Variants in XIRP2 observed in about 807,000 individuals in gnomAD.
XIRP2 encodes xin actin binding repeat containing 2.
A neutral mutation model predicts 277.0 loss-of-function variants in XIRP2; 236 were observed. The observed-to-expected ratio is 0.85, with a 90% CI of 0.77 to 0.95. XIRP2 has a LOEUF of 0.95. XIRP2 is among the 40% of genes least tolerant of loss of function. XIRP2 has a pLI of 0.00. For missense variants in XIRP2, 4,640 were observed against 4,157.5 expected (o/e 1.12, Z -3.19); for synonymous variants, 1,490 against 1,416.5 (o/e 1.05, Z -1.17).
rs573761526 is a variant in XIRP2 at position 167,217,284 on chromosome 2, A to T, written c.724-882A>T. Among the ~76,000 whole-genome samples, 100 of 73,438 alleles carry T rather than the reference A, an allele frequency of 1.4e-3. No individual in the cohort carries two copies. The South Asian group carries it at 0.038, about 28-fold the overall frequency. 48.2% of individuals were successfully genotyped at this position (73,438 alleles called of 152,430 possible). A position where few individuals can be genotyped will look rare whatever the true frequency, so the allele number is the denominator to read the frequency against. On this transcript the variant is annotated intron_variant, in intron 4 of 10. Transcript: ENST00000409195. ...TGTACCCTAAAACTTAAAGTATAAT[A>T]AAAAAAAAAAAGAAAAAAAAATTAG...
At chr2:167,161,371 A>T (rs1456006256) in intron 3 of XIRP2, among the ~76,000 whole-genome samples, 1 of 152,100 alleles carries the variant, frequency 6.6e-6, no homozygotes, top group Non-Finnish European at 1.5e-5. Flanking sequence ...GAGGTTCCGC[A>T]TGAGAGCACT....
chr2:166,955,581 A>G (rs916106274), intron 2 of XIRP2, among the ~76,000 whole-genome samples: 2 of 151,886 alleles, frequency 1.3e-5, no homozygotes, highest in Non-Finnish European at 2.9e-5. Context: ...TTTATAAAAT[A>G]TATCTCACTA....
chr2:166,981,036 TAC>T, intron 2 of XIRP2, among the ~76,000 whole-genome samples: 1 of 152,194 alleles, frequency 6.6e-6, no homozygotes, highest in Non-Finnish European at 1.5e-5. Flanking sequence ...TTAGTATGTT[TAC>T]TGCCCTCCAA....
In XIRP2 at chr2:167,258,096, G is replaced by A. The variant is rs1695714118; in HGVS notation, c.*279G>A. 6.2e-7 allele frequency: 1 copy of A among 1,613,106 alleles called. No individual in the cohort carries two copies. The highest frequency in any genetic ancestry group is 8.5e-7 in the Non-Finnish European group (1 of 1,179,534). On this transcript the variant is annotated 3_prime_UTR_variant, in exon 11 of 11. Coordinates refer to ENST00000409195, the MANE Select transcript of XIRP2 (RefSeq NM_152381.6). ...GATCGTAATGAACATTTAGATGCTGGTAACAGTGAAGGGCAAAGGAATGAT... is the reference window on the plus strand; with the variant it reads ...GATCGTAATGAACATTTAGATGCTGATAACAGTGAAGGGCAAAGGAATGAT...
intron 2 of XIRP2, among the ~76,000 whole-genome samples, chr2:167,012,317 T>C (rs1243960649): frequency 2.6e-5 from 4 of 151,896 alleles, no homozygotes; most frequent in African/African-American, 7.2e-5. Context: ...CTTCGTTATG[T>C]ACCCTTTTAA....
chr2:166,934,233 C>G lies in XIRP2; in HGVS notation c.408+30343C>G, dbSNP rs571867512. On this transcript the variant is annotated intron_variant, in intron 2 of 10. Transcript: ENST00000409195. The stretch of plus-strand genomic sequence containing the variant: ...AAAAAAACAAAACTAGGGTCTCTCT[C>G]TCTTGCTTGCTTTGAAGAAGCAAGC... Among the ~76,000 whole-genome samples the G allele has an allele frequency of 1.0e-3, 152 of 148,788 alleles. 1 individual carries two copies. The highest frequency in any genetic ancestry group is 3.2e-3 in the African/African-American group (128 of 40,098).
At chr2:166,938,352 A>G (rs549684478) in intron 2 of XIRP2, among the ~76,000 whole-genome samples, 1 of 152,234 alleles carries the variant, frequency 6.6e-6, no homozygotes, top group South Asian at 2.1e-4. Flanking sequence ...TTCGTTATGT[A>G]CCCAGTAGTC....
chr2:167,069,592 G>T (rs1689387091), intron 2 of XIRP2, among the ~76,000 whole-genome samples: 1 of 152,074 alleles, frequency 6.6e-6, no homozygotes, highest in South Asian at 2.1e-4. Flanking sequence ...TGGAAAAATT[G>T]AGAAGGAAAC....
At chr2:167,160,439 T>C (rs1692330232) in intron 3 of XIRP2, among the ~76,000 whole-genome samples, 1 of 152,302 alleles carries the variant, frequency 6.6e-6, no homozygotes, top group South Asian at 2.1e-4. Context: ...TACCCGAGAC[T>C]GGGCAATTTA....
At position 167,246,374 on chromosome 2, in the gene XIRP2, A is replaced by C. The variant is rs1695263732; in HGVS notation, c.4982A>C (p.Gln1661Pro). 6.2e-7 allele frequency: 1 copy of C among 1,613,196 alleles called. No homozygotes were observed. The highest frequency in any genetic ancestry group is 8.5e-7 in the Non-Finnish European group (1 of 1,179,690). Residue 1661 changes from glutamine to proline, a missense_variant, in exon 9 of 11, where the codon CAA (glutamine) becomes CCA (proline). Physicochemically the swap from Gln to Pro is moderately conservative, Grantham distance 76. Transcript: ENST00000409195. ...KEEIVKGDVQ[Q>P]AIKNLFSEER... is the part of the protein sequence containing the mutation. Reference sequence around the variant, plus strand: ...GAGATAGTGAAAGGTGATGTACAACAAGCAATAAAAAACCTGTTCTCTGAG... The same window carrying C: ...GAGATAGTGAAAGGTGATGTACAACCAGCAATAAAAAACCTGTTCTCTGAG...
At chr2:166,900,738 C>A (rs532159823) in intron 1 of XIRP2, among the ~76,000 whole-genome samples, 1 of 152,220 alleles carries the variant, frequency 6.6e-6, no homozygotes, top group South Asian at 2.1e-4. Context: ...TATTGCTCTC[C>A]TTGTAGCCTT....
intron 6 of XIRP2, among the ~76,000 whole-genome samples, chr2:167,240,404 G>A (rs1695028429): frequency 6.6e-6 from 1 of 152,094 alleles, no homozygotes; most frequent in African/African-American, 2.4e-5. Context: ...GACAGTGCAA[G>A]ACTCCTTCTC....
At chr2:167,072,135 G>A (rs1689452899) in intron 2 of XIRP2, among the ~76,000 whole-genome samples, 2 of 152,112 alleles carry the variant, frequency 1.3e-5, no homozygotes, top group African/African-American at 4.8e-5. Context: ...TTATATGTAT[G>A]TTTATGTAAT....
At chr2:167,000,505 G>GT (rs1161786649) in intron 2 of XIRP2, among the ~76,000 whole-genome samples, 7 of 143,112 alleles carry the variant, frequency 4.9e-5, no homozygotes, top group East Asian at 2.5e-4. Context: ...TTGTTTTGGG[G>GT]TTTTTTTGTT....
intron 2 of XIRP2, among the ~76,000 whole-genome samples, chr2:166,997,301 G>C (rs1205737317): frequency 6.6e-6 from 1 of 151,296 alleles, no homozygotes; most frequent in South Asian, 2.1e-4. Flanking sequence ...TTTATTTCTT[G>C]TTTACACAAA....
At chr2:167,012,998 G>GACATTAGGACATAAATTAAATTAAA (rs1687724340) in intron 2 of XIRP2, among the ~76,000 whole-genome samples, 1 of 150,890 alleles carries the variant, frequency 6.6e-6, no homozygotes, top group Non-Finnish European at 1.5e-5. Context: ...TGGTAAAATT[G>GACATTAGGACATAAATTAAATTAAA]ACATTAGGAC....
chr2:167,075,941 G>A (rs965169348), intron 2 of XIRP2, among the ~76,000 whole-genome samples: 1 of 151,988 alleles, frequency 6.6e-6, no homozygotes, highest in African/African-American at 2.4e-5. Context: ...CTCCCAAAGT[G>A]ATGGAATTAC....
At chr2:167,182,753 A>G (rs545332836) in intron 3 of XIRP2, among the ~76,000 whole-genome samples, 1 of 152,310 alleles carries the variant, frequency 6.6e-6, no homozygotes, top group South Asian at 2.1e-4. Flanking sequence ...AATAAAGGTA[A>G]ATCACCTAAT....
At position 167,132,794 on chromosome 2, in the gene XIRP2, A is replaced by C. The variant is rs375788269; in HGVS notation, c.409-3115A>C. On this transcript the variant is annotated intron_variant, in intron 2 of 10. Coordinates refer to ENST00000409195, the MANE Select transcript of XIRP2 (RefSeq NM_152381.6). ...CCATTCATTCTTCAAATATCAGCTG[A>C]AGGTCGTTTCCCTGGGAGAGCCCTA... Among the ~76,000 whole-genome samples, 40 of 152,132 alleles carry C rather than the reference A, an allele frequency of 2.6e-4. No homozygotes were observed. The East Asian group carries it at 4.9e-3, about 18-fold the overall frequency.
Sources: allele counts gnomAD v4.1 joint callset (sites outside exome capture counted in the v4.1 genomes callset), GRCh38; gene constraint gnomAD v4.1.1; transcripts MANE v1.5; gene names NCBI Gene and HGNC (gene_info 2026-07-23, HGNC 2026-07-21).